KHDRBS1: variants seen among roughly 807,000 people sequenced by gnomAD.
KHDRBS1 encodes KH RNA binding domain containing, signal transduction associated 1.
Under a neutral mutation model 48.4 loss-of-function variants are expected in KHDRBS1, and 7 were observed. The observed-to-expected ratio is 0.14, with a 90% CI of 0.08 to 0.27. The LOEUF (loss-of-function observed/expected upper bound fraction) is 0.27, where lower values mean the gene tolerates loss of function less well. KHDRBS1 is among the 10% of genes least tolerant of loss of function. The probability of loss-of-function intolerance (pLI) is 1.00; values close to 1 mark genes in which losing one functional copy is unlikely to be tolerated. For missense variants in KHDRBS1, 458 were observed against 601.2 expected, an observed-to-expected ratio of 0.76 and a Z score of 2.49; for synonymous variants, 241 against 235.8, an observed-to-expected ratio of 1.02 and a Z score of -0.20.
chr1:32,039,781 T>TAGTCC (rs1365860948), intron 8 of KHDRBS1, among the ~76,000 whole-genome samples: 1 of 152,062 alleles, frequency 6.6e-6, no homozygotes, highest in Admixed American at 6.6e-5. Context: ...TGAGGTGGGG[T>TAGTCC]ATCGTTACTC....
chr1:32,026,374 T>C (rs1294248963), intron 1 of KHDRBS1, among the ~76,000 whole-genome samples: 2 of 152,042 alleles, frequency 1.3e-5, no homozygotes, highest in Admixed American at 1.3e-4. Flanking sequence ...CCCGCTCTGG[T>C]CCCAAACTCC....
chr1:32,030,322 A>G lies in KHDRBS1; in HGVS notation c.407A>G (p.Asp136Gly). The change falls in exon 2 of 9, where the codon GAC becomes GGC. Residue 136 changes from aspartate to glycine, a missense_variant. Physicochemically the swap from Asp to Gly is moderately conservative, Grantham distance 94. Coordinates refer to ENST00000327300, the MANE Select transcript of KHDRBS1 (RefSeq NM_006559.3). ...TAEIEKIQKGDSKKDDEENYL... is the reference protein window; with the variant it reads ...TAEIEKIQKGGSKKDDEENYL... ...GAAATTGAGAAGATTCAGAAAGGAGACTCAAAAAAGGATGATGAGGAGAAT... is the reference window on the plus strand; with the variant it reads ...GAAATTGAGAAGATTCAGAAAGGAGGCTCAAAAAAGGATGATGAGGAGAAT... 2 of 1,609,042 alleles carry G rather than the reference A, an allele frequency of 1.2e-6. No individual in the cohort carries two copies. Among genetic ancestry groups the G allele is most frequent in the Non-Finnish European group, 1.7e-6 (2 of 1,177,956 alleles).
rs1309954971 is a variant in KHDRBS1 at position 32,043,298 on chromosome 1, A to C, written c.*674A>C. On this transcript the variant is annotated 3_prime_UTR_variant, in exon 9 of 9. Transcript: ENST00000327300. ...TAATTGATATAAAAAAAAAAACAAC[A>C]AAATTAGGCTTGTAAAACTGACTTT... 1 of 152,542 alleles carries C rather than the reference A, an allele frequency of 6.6e-6. No homozygotes were observed. Among genetic ancestry groups the C allele is most frequent in the Admixed American group, 6.6e-5 (1 of 15,260 alleles). 9.4% of individuals were successfully genotyped at this position (152,542 alleles called of 1,614,324 possible). A position where few individuals can be genotyped will look rare whatever the true frequency, so the allele number is the denominator to read the frequency against.
At position 32,038,533 on chromosome 1, in the gene KHDRBS1, T is replaced by C; in HGVS notation, c.1108-19T>C. ...TGATTTTGATCTTTTATTTCATTTT[T>C]TTGTTGTTGTTGTTCTAGGGATATG... On this transcript the variant is annotated intron_variant, in intron 6 of 8. Coordinates refer to ENST00000327300, the MANE Select transcript of KHDRBS1 (RefSeq NM_006559.3). 6.2e-7 allele frequency: 1 copy of C among 1,611,724 alleles called. No homozygotes were observed. Among genetic ancestry groups the C allele is most frequent in the Non-Finnish European group, 8.5e-7 (1 of 1,178,992 alleles).
chr1:32,033,075 T>C (rs1026104289), intron 3 of KHDRBS1, 113 bp from the exon 4 acceptor site: 2 of 740,292 alleles, frequency 2.7e-6, no homozygotes, highest in Admixed American at 2.5e-5. Flanking sequence ...CCAATTAACT[T>C]TACTGTTTTT....
chr1:32,055,187 C>T (rs1639466761), intron 10 of KHDRBS1, among the ~76,000 whole-genome samples: 1 of 152,082 alleles, frequency 6.6e-6, no homozygotes, highest in Non-Finnish European at 1.5e-5. Flanking sequence ...CGGTGGGTCA[C>T]GCCGGTAATC....
At chr1:32,053,777 C>T (rs1345984783) in intron 10 of KHDRBS1, among the ~76,000 whole-genome samples, 2 of 152,086 alleles carry the variant, frequency 1.3e-5, no homozygotes, top group African/African-American at 4.8e-5. Flanking sequence ...ATCAAGTGAG[C>T]TAATGCATAT....
intron 1 of KHDRBS1, among the ~76,000 whole-genome samples, chr1:32,028,727 G>A (rs557844296): frequency 1.3e-5 from 2 of 150,922 alleles, no homozygotes; most frequent in South Asian, 2.1e-4. Flanking sequence ...GGATGGTCTC[G>A]ATTTCCAGAC....
chr1:32,020,616 T>TAAAAAA (rs970503623), intron 1 of KHDRBS1, among the ~76,000 whole-genome samples: 1 of 77,508 alleles, frequency 1.3e-5, no homozygotes, highest in African/African-American at 3.8e-5. Context: ...TACTGTGCAA[T>TAAAAAA]AAAAAAAAAA....
intron 2 of KHDRBS1, among the ~76,000 whole-genome samples, chr1:32,030,778 T>C (rs1204720681): frequency 1.3e-5 from 2 of 151,844 alleles, no homozygotes; most frequent in African/African-American, 2.4e-5. Flanking sequence ...AATCCTCAAT[T>C]GGTTGAAGTT....
chr1:32,030,502 G>A (rs1212819584), intron 2 of KHDRBS1, 80 bp downstream of exon 2: 1 of 1,206,488 alleles, frequency 8.3e-7, no homozygotes, highest in South Asian at 1.9e-5. Context: ...AGACTCCTGG[G>A]GATTGTGATG....
intron 8 of KHDRBS1, among the ~76,000 whole-genome samples, chr1:32,040,775 C>A (rs546036972): frequency 1.3e-5 from 2 of 152,290 alleles, no homozygotes; most frequent in African/African-American, 2.4e-5. Context: ...ATTGACAGTT[C>A]ACGCTAAGAT....
At chr1:32,051,362 T>A (rs1639420074) in intron 10 of KHDRBS1, among the ~76,000 whole-genome samples, 2 of 152,254 alleles carry the variant, frequency 1.3e-5, no homozygotes, top group African/African-American at 2.4e-5. Flanking sequence ...TAAAAGTTAT[T>A]GATACAATTT....
intron 1 of KHDRBS1, among the ~76,000 whole-genome samples, chr1:32,030,084 G>A (rs887974526): frequency 5.9e-5 from 9 of 152,160 alleles, no homozygotes; most frequent in Admixed American, 1.3e-4. Flanking sequence ...TCAGGTGAGG[G>A]TGGAAGAGTA....
Position 32,030,292 on chromosome 1 carries a change from A to G in KHDRBS1, c.383-6A>G, listed in dbSNP as rs1182309292. 5.6e-6 allele frequency: 9 copies of G among 1,600,566 alleles called. No individual in the cohort carries two copies. Among genetic ancestry groups the G allele is most frequent in the East Asian group, 2.2e-5 (1 of 44,526 alleles). On this transcript the variant is annotated splice_polypyrimidine_tract_variant and splice_region_variant and intron_variant, in intron 1 of 8. Coordinates refer to ENST00000327300, the MANE Select transcript of KHDRBS1 (RefSeq NM_006559.3). ...AGGGCAAAAATAAATTGTTTTTCCT[A>G]TTCAGAAATTGAGAAGATTCAGAAA...
intron 1 of KHDRBS1, among the ~76,000 whole-genome samples, chr1:32,025,962 A>T: frequency 6.7e-6 from 1 of 148,584 alleles, no homozygotes; most frequent in African/African-American, 2.6e-5. Context: ...TATTTTTGGT[A>T]GAGACAGGGT....
At chr1:32,028,805 TA>T (rs913803807) in intron 1 of KHDRBS1, among the ~76,000 whole-genome samples, 1 of 150,554 alleles carries the variant, frequency 6.6e-6, no homozygotes, top group African/African-American at 2.5e-5. Flanking sequence ...GCACCTGGCC[TA>T]TTTTTTTTTT....
At chr1:32,019,273 G>T (rs1638806880) in intron 1 of KHDRBS1, among the ~76,000 whole-genome samples, 1 of 152,048 alleles carries the variant, frequency 6.6e-6, no homozygotes, top group Admixed American at 6.6e-5. Flanking sequence ...TATTTGGCTG[G>T]GCACAGTTTC....
At position 32,060,792 on chromosome 1, in the gene KHDRBS1, A is replaced by G. The variant is rs1476099325; in HGVS notation, n.1931A>G. On this transcript the variant is annotated non_coding_transcript_exon_variant, in exon 11 of 11. Coordinates refer to the KHDRBS1 transcript ENST00000484270. ...GCTTTTTCTGTTCCACCTCTGTACT[A>G]TATTTCTCCCCAACAAATATCTGCC... 3.3e-5 allele frequency: 5 copies of G among 152,124 alleles called. No individual in the cohort carries two copies. The South Asian group carries it at 6.2e-4, about 19-fold the overall frequency. The allele number at this position is 152,124 out of a possible 1,614,324, so 9.4% of individuals were successfully genotyped here.
Sources: gnomAD v4.1 joint callset for allele counts (sites outside exome capture counted in the v4.1 genomes callset) on GRCh38, gnomAD v4.1.1 for gene constraint, MANE v1.5 for transcripts, NCBI Gene and HGNC (gene_info 2026-07-23, HGNC 2026-07-21) for gene names.